The following PSMG4 variants were observed in gnomAD, a reference collection of about 807,000 sequenced individuals.
PSMG4 encodes the protein proteasome (prosome, macropain) assembly chaperone 4.
In PSMG4, 10 loss-of-function variants were observed where a neutral mutation model predicts 11.0. The ratio of observed to expected loss-of-function variants is 0.91; its 90% CI spans 0.56 to 1.54. The LOEUF (loss-of-function observed/expected upper bound fraction) is 1.54, where lower values mean the gene tolerates loss of function less well. PSMG4 is among the 40% of genes most tolerant of loss of function. PSMG4 has a pLI of 0.00. For synonymous variants in PSMG4, 95 were observed against 71.3 expected, an observed-to-expected ratio of 1.33 and a Z score of -1.68; for missense variants, 198 against 160.9, an observed-to-expected ratio of 1.23 and a Z score of -1.25.
chr6:3,258,179 GATT>G (rs1757830270), upstream of PSMG4, among the ~76,000 whole-genome samples: 1 of 22,112 alleles, frequency 4.5e-5, no homozygotes, highest in Non-Finnish European at 4.4e-4. Context: ...ACAATGGGAT[GATT>G]GGATGATTGT....
intron 1 of PSMG4, among the ~76,000 whole-genome samples, chr6:3,261,127 G>C (rs1365530130): frequency 6.6e-6 from 1 of 152,246 alleles, no homozygotes; most frequent in Non-Finnish European, 1.5e-5. Flanking sequence ...AGGGTGCTGG[G>C]GGCAGGAAGT....
At chr6:3,255,176 T>C (rs1200006518), upstream of PSMG4, 4 of 1,550,632 alleles carry the variant, frequency 2.6e-6, no homozygotes, top group African/African-American at 4.1e-5. Flanking sequence ...GGCTTACATG[T>C]GCGCTCTGGT....
upstream of PSMG4, among the ~76,000 whole-genome samples, chr6:3,256,650 G>T (rs1757776506): frequency 6.6e-6 from 1 of 152,198 alleles, no homozygotes; most frequent in Non-Finnish European, 1.5e-5. Flanking sequence ...ATCCATTCTT[G>T]ATTTCTTTTG....
chr6:3,263,697 T>A lies in PSMG4; in HGVS notation c.188T>A (p.Val63Glu). The change falls in exon 2 of 3, where the codon GTG becomes GAG. Residue 63 changes from valine (V) to glutamate (E), a missense_variant. Val to Glu is a moderately radical substitution (Grantham distance 121). Coordinates refer to ENST00000438998, the MANE Select transcript of PSMG4 (RefSeq NM_001128591.2). ...AMCSRYDSIP[V>E]STSLLGDTSD... ...CTTTTCTTTTAGGACTCCATCCCCG[T>A]GTCTACCTCCCTCCTTGGAGACACT... The A allele has an allele frequency of 6.5e-7, 1 of 1,549,610 alleles. No individual in the cohort carries two copies. The highest frequency in any genetic ancestry group is 8.7e-7 in the Non-Finnish European group (1 of 1,146,066).
At chr6:3,262,336 G>A (rs971100354) in intron 1 of PSMG4, among the ~76,000 whole-genome samples, 2 of 152,212 alleles carry the variant, frequency 1.3e-5, no homozygotes, top group Non-Finnish European at 2.9e-5. Flanking sequence ...GCCACCCTGG[G>A]TAAGGTAGAT....
intron 2 of PSMG4, chr6:3,264,090 C>T: frequency 2.7e-6 from 4 of 1,483,844 alleles, no homozygotes; most frequent in Non-Finnish European, 3.6e-6. Flanking sequence ...TGCCCACAGC[C>T]CCTGTGGGTG....
chr6:3,267,769 G>T lies in PSMG4; in HGVS notation c.*57G>T. ...ATGTACAATGTACGTGTAAATAAAT[G>T]GATTGAATTTCAGTTTGTCATCAGG... On this transcript the variant is annotated 3_prime_UTR_variant, in exon 3 of 3. Transcript: ENST00000438998. The T allele has an allele frequency of 6.6e-7, 1 of 1,505,870 alleles. No homozygotes were observed. Among genetic ancestry groups the T allele is most frequent in the South Asian group, 1.2e-5 (1 of 81,622 alleles). 93.3% of individuals were successfully genotyped at this position (1,505,870 alleles called of 1,614,324 possible).
At position 3,264,279 on chromosome 6, in the gene PSMG4, T is replaced by C. The variant is rs1387528970; in HGVS notation, c.250+520T>C. 3 of 1,551,304 alleles carry C rather than the reference T, an allele frequency of 1.9e-6. No individual in the cohort carries two copies. In the African/African-American group the frequency reaches 4.1e-5, roughly 21 times the overall value. ...GGGGATTAAGCAAAGGTCATGAGGC[T>C]GAATGCTCCACTCTTCCCACACCCC... is the stretch of plus-strand genomic sequence containing the variant. On this transcript the variant is annotated intron_variant, in intron 2 of 2. Coordinates refer to ENST00000438998, the MANE Select transcript of PSMG4 (RefSeq NM_001128591.2).
upstream of PSMG4, chr6:3,255,112 TCAC>T (rs1561836786): frequency 1.9e-6 from 3 of 1,550,926 alleles, no homozygotes; most frequent in African/African-American, 2.7e-5. Context: ...GAGCACAACA[TCAC>T]CAGCTTACCA....
upstream of PSMG4, among the ~76,000 whole-genome samples, chr6:3,255,590 C>T (rs1047321575): frequency 2.0e-5 from 3 of 152,226 alleles, no homozygotes; most frequent in African/African-American, 7.2e-5. Context: ...CCCAGACCCA[C>T]TGCCTGAGTG....
upstream of PSMG4, among the ~76,000 whole-genome samples, chr6:3,258,637 C>T (rs1757843481): frequency 6.6e-6 from 1 of 152,110 alleles, no homozygotes; most frequent in Non-Finnish European, 1.5e-5. Context: ...CTTGAATGCC[C>T]CGCGTCAGTA....
rs1757861475 is a variant in PSMG4, at chr6:3,259,042, C to T, written c.20C>T (p.Ala7Val). ...GGCGGCATGGAGGGGCTGGTTGTCG[C>T]CGCCGGCGGGGACGTCTCCCTGCAC... MEGLVVAAGGDVSLHNF... is the reference protein window; with the variant it reads MEGLVVVAGGDVSLHNF... Residue 7 changes from alanine (A) to valine (V), a missense_variant, in exon 1 of 3, where the codon GCC becomes GTC. Physicochemically the swap from Ala to Val is moderately conservative, Grantham distance 64. Coordinates refer to ENST00000438998, the MANE Select transcript of PSMG4 (RefSeq NM_001128591.2). The T allele has an allele frequency of 3.2e-6, 4 of 1,252,370 alleles. No homozygotes were observed. The highest frequency in any genetic ancestry group is 4.0e-6 in the Non-Finnish European group (4 of 997,118). 77.6% of individuals were successfully genotyped at this position (1,252,370 alleles called of 1,614,324 possible).
chr6:3,267,524 G>C, intron 2 of PSMG4, 67 bp from the exon 3 acceptor site: 1 of 1,525,842 alleles, frequency 6.6e-7, no homozygotes, highest in Non-Finnish European at 8.8e-7. Flanking sequence ...AGCTGCACGT[G>C]GCTGTGAGGA....
chr6:3,260,291 A>ATTTTTTTTTTTTT lies in PSMG4; in HGVS notation c.174+1101_174+1113dup, dbSNP rs869076629. 2.8e-3 allele frequency among the ~76,000 whole-genome samples: 195 copies of ATTTTTTTTTTTTT among 70,850 alleles called. 14 individuals carry two copies. The highest frequency in any genetic ancestry group is 5.9e-3 in the South Asian group (10 of 1,692). 46.5% of individuals were successfully genotyped at this position (70,850 alleles called of 152,430 possible). Reference sequence around the variant, plus strand: ...TGTCTTAAATTGTATATATATATATATTTTTTTTTTTTTTTTTTGAAGCAA... The same window carrying ATTTTTTTTTTTTT: ...TGTCTTAAATTGTATATATATATATATTTTTTTTTTTTTTTTTTTTTTTTTTTTTTTGAAGCAA... On this transcript the variant is annotated intron_variant, in intron 1 of 2. Coordinates refer to ENST00000438998, the MANE Select transcript of PSMG4 (RefSeq NM_001128591.2).
At position 3,263,888 on chromosome 6, in the gene PSMG4, A is replaced by C. The variant is rs1758087461; in HGVS notation, c.250+129A>C. ...AACCATCACCTCATTGCTGCTGGGA[A>C]GCACAGACCTTTGCACGTTGGGTCT... is the stretch of plus-strand genomic sequence containing the variant. On this transcript the variant is annotated intron_variant, in intron 2 of 2. Coordinates refer to ENST00000438998, the MANE Select transcript of PSMG4 (RefSeq NM_001128591.2). 4 of 1,459,912 alleles carry C rather than the reference A, an allele frequency of 2.7e-6. No individual in the cohort carries two copies. In the South Asian group the frequency reaches 4.3e-5, roughly 16 times the overall value. The allele number at this position is 1,459,912 out of a possible 1,614,324, so 90.4% of individuals were successfully genotyped here.
upstream of PSMG4, chr6:3,255,224 ACT>A: frequency 2.6e-6 from 4 of 1,549,478 alleles, no homozygotes; most frequent in Non-Finnish European, 2.6e-6. Context: ...AGCAAAATCA[ACT>A]CTGGTAAGCC....
chr6:3,260,742 A>G (rs974194623), intron 1 of PSMG4, among the ~76,000 whole-genome samples: 5 of 152,222 alleles, frequency 3.3e-5, no homozygotes, highest in African/African-American at 9.7e-5. Context: ...TTGGGGAGAC[A>G]CAATTCAGGC....
chr6:3,254,407 G>A (rs117469246), upstream of PSMG4, among the ~76,000 whole-genome samples: 42 of 152,264 alleles, frequency 2.8e-4, no homozygotes, highest in East Asian at 3.9e-3. Context: ...TGCTGTTGGT[G>A]GCACATCTGA....
Position 3,263,768 on chromosome 6 carries a change from C to T in PSMG4, c.250+9C>T, listed in dbSNP as rs374712083. On this transcript the variant is annotated intron_variant, in intron 2 of 2. Coordinates refer to ENST00000438998, the MANE Select transcript of PSMG4 (RefSeq NM_001128591.2). ...CCTTGCCCAGCGCCTAGGTATGTACCCACAGCTGGCGCTGCATGGCCAGCC... is the reference window on the plus strand; with the variant it reads ...CCTTGCCCAGCGCCTAGGTATGTACTCACAGCTGGCGCTGCATGGCCAGCC... 4.6e-5 allele frequency: 72 copies of T among 1,549,944 alleles called. No individual in the cohort carries two copies. Among genetic ancestry groups the T allele is most frequent in the Non-Finnish European group, 2.9e-5 (33 of 1,145,984 alleles).
Sources: allele counts gnomAD v4.1 joint callset (sites outside exome capture counted in the v4.1 genomes callset), GRCh38; gene constraint gnomAD v4.1.1; transcripts MANE v1.5; gene names NCBI Gene and HGNC (gene_info 2026-07-23, HGNC 2026-07-21).